The following CHLSN variants were observed in gnomAD, a reference collection of about 807,000 sequenced individuals.
CHLSN encodes the protein cholesin.
chr7:1,058,962 G>A, the CHLSN span: 1 of 187,684 alleles, frequency 5.3e-6, no homozygotes, highest in South Asian at 1.4e-4. Flanking sequence ...GCAACAGCCA[G>A]GGTGGCCGGG....
At chr7:986,835 G>C in the CHLSN span, 1 of 1,476,232 alleles carries the variant, frequency 6.8e-7, no homozygotes, top group South Asian at 1.4e-5. Flanking sequence ...AGGCCTGTAG[G>C]GGTCCTGAGG....
At chr7:1,104,419 G>A in the CHLSN span, among the ~76,000 whole-genome samples, 4 of 152,172 alleles carry the variant, frequency 2.6e-5, no homozygotes, top group South Asian at 2.1e-4. Context: ...ATGCATTCAC[G>A]TCATCTATGA....
the CHLSN span, among the ~76,000 whole-genome samples, chr7:1,016,226 CCAGCACACAG>C: frequency 1.4e-3 from 56 of 40,768 alleles, 10 homozygotes; most frequent in South Asian, 1.9e-3. Context: ...GCAGCACACG[CCAGCACACAG>C]CAGCACACAG....
the CHLSN span, among the ~76,000 whole-genome samples, chr7:1,115,493 T>G: frequency 1.3e-5 from 2 of 150,720 alleles, 1 homozygote; most frequent in Non-Finnish European, 3.0e-5. Context: ...ATGACTTCAC[T>G]ACAGCTCTAC....
chr7:1,136,399 AATAT>A, the CHLSN span, among the ~76,000 whole-genome samples: 1 of 112,326 alleles, frequency 8.9e-6, no homozygotes, highest in African/African-American at 3.9e-5. Context: ...CATATATATA[AATAT>A]ATATAAACAT....
the CHLSN span, among the ~76,000 whole-genome samples, chr7:1,016,104 CA>C: frequency 1.8e-5 from 2 of 111,230 alleles, no homozygotes; most frequent in Admixed American, 8.5e-5. Flanking sequence ...CAGCAGCACA[CA>C]GCAGCGCACA....
the CHLSN span, among the ~76,000 whole-genome samples, chr7:1,089,566 A>G: frequency 6.6e-6 from 1 of 151,966 alleles, no homozygotes; most frequent in African/African-American, 2.4e-5. Context: ...CTACAGGCGC[A>G]CACCACTATG....
chr7:1,016,116 G>C, the CHLSN span, among the ~76,000 whole-genome samples: 121 of 58,798 alleles, frequency 2.1e-3, 1 homozygote, highest in East Asian at 3.3e-3. Flanking sequence ...GCAGCGCACA[G>C]CAGCACACAG....
chr7:1,115,095 A>C, the CHLSN span, among the ~76,000 whole-genome samples: 1 of 152,256 alleles, frequency 6.6e-6, no homozygotes, highest in African/African-American at 2.4e-5. Context: ...TGGCGGAGAC[A>C]ATTCAAAGTC....
At chr7:1,124,652 A>G in the CHLSN span, among the ~76,000 whole-genome samples, 1 of 151,332 alleles carries the variant, frequency 6.6e-6, no homozygotes, top group African/African-American at 2.4e-5. Context: ...AGCATGGCAC[A>G]TGTATACATA....
At chr7:1,000,947 G>A in the CHLSN span, among the ~76,000 whole-genome samples, 1 of 152,204 alleles carries the variant, frequency 6.6e-6, no homozygotes, top group African/African-American at 2.4e-5. Flanking sequence ...TGGGAAGACT[G>A]TAAGGAACAA....
At chr7:1,024,419 C>T in the CHLSN span, 1 of 152,232 alleles carries the variant, frequency 6.6e-6, no homozygotes, top group African/African-American at 2.4e-5. Flanking sequence ...AAGAAACGGA[C>T]CCATGGGACA....
At chr7:1,070,908 G>GCA in the CHLSN span, among the ~76,000 whole-genome samples, 5 of 140,492 alleles carry the variant, frequency 3.6e-5, no homozygotes, top group East Asian at 2.2e-4. Flanking sequence ...ACACATGCAC[G>GCA]CACACACACA....
the CHLSN span, among the ~76,000 whole-genome samples, chr7:1,041,889 G>T: frequency 2.6e-5 from 4 of 152,042 alleles, no homozygotes; most frequent in South Asian, 2.1e-4. Context: ...TCCCTGGGTG[G>T]CGTGCAGCTG....
At chr7:1,090,536 G>T in the CHLSN span, among the ~76,000 whole-genome samples, 1 of 150,724 alleles carries the variant, frequency 6.6e-6, no homozygotes, top group African/African-American at 2.5e-5. Context: ...CAGGTGATGG[G>T]ACCCTACCCA....
the CHLSN span, among the ~76,000 whole-genome samples, chr7:979,367 G>A: frequency 8.5e-5 from 13 of 152,060 alleles, no homozygotes; most frequent in East Asian, 1.9e-3. Context: ...AGTCCATCTC[G>A]TCATAGATTA....
At chr7:1,072,376 G>C in the CHLSN span, among the ~76,000 whole-genome samples, 1 of 152,228 alleles carries the variant, frequency 6.6e-6, no homozygotes, top group Non-Finnish European at 1.5e-5. Flanking sequence ...GCAGACACCG[G>C]TTGGCCCTGC....
chr7:991,997 C>T, the CHLSN span, among the ~76,000 whole-genome samples: 1 of 151,314 alleles, frequency 6.6e-6, no homozygotes, highest in Non-Finnish European at 1.5e-5. Context: ...AGAACTCAGG[C>T]AGCAGGCAGC....
the CHLSN span, among the ~76,000 whole-genome samples, chr7:1,035,822 A>G: frequency 6.6e-6 from 1 of 152,246 alleles, no homozygotes; most frequent in African/African-American, 2.4e-5. Flanking sequence ...TTAGGTTCAC[A>G]TGAAACCTGC....
Sources: allele counts gnomAD v4.1 joint callset (sites outside exome capture counted in the v4.1 genomes callset), GRCh38; gene constraint gnomAD v4.1.1; transcripts MANE v1.5; gene names NCBI Gene and HGNC (gene_info 2026-07-23, HGNC 2026-07-21).